TRIM39: variants seen among roughly 807,000 people sequenced by gnomAD.
TRIM39 encodes tripartite motif containing 39, also known as E3 ubiquitin-protein ligase TRIM39.
A neutral mutation model predicts 53.6 loss-of-function variants in TRIM39; 5 were observed. That is an observed-to-expected ratio of 0.09 (90% CI 0.05 to 0.20). The LOEUF (loss-of-function observed/expected upper bound fraction) is 0.20, where lower values mean the gene tolerates loss of function less well. TRIM39 is among the 10% of genes least tolerant of loss of function. The pLI, the probability that TRIM39 is intolerant of heterozygous loss-of-function variation, is 1.00. For synonymous variants in TRIM39, 196 were observed against 237.6 expected (o/e 0.82, Z 1.61); for missense variants, 310 against 621.0 (o/e 0.50, Z 5.32).
chr6:30,329,561 C>A (rs1184573950), exon 3 of TRIM39: 1 of 1,612,990 alleles, frequency 6.2e-7, no homozygotes, highest in African/African-American at 1.3e-5. Context: ...CCGACCTAAT[C>A]GGCAACTAGG....
chr6:30,327,022 G>C (rs544832811), intron 1 of TRIM39, 27 bp downstream of exon 1: 2 of 151,954 alleles, frequency 1.3e-5, no homozygotes, highest in Non-Finnish European at 1.5e-5. Flanking sequence ...CGCCGCGCCC[G>C]AGCCTGGGGC....
exon 3 of TRIM39, chr6:30,329,627 G>A (rs775760727): frequency 6.2e-7 from 1 of 1,613,118 alleles, no homozygotes; most frequent in Non-Finnish European, 8.5e-7. Context: ...GATCCGGGAT[G>A]AGAGCCTCTG....
Position 30,333,503 on chromosome 6 carries a change from G to A in TRIM39, c.550-2242G>A, listed in dbSNP as rs555411689. Reference sequence around the variant, plus strand: ...CTCCCAAGTACCTGGGACTACAGGCGCCCACCACCACACCCAGCTGATTTT... The same window carrying A: ...CTCCCAAGTACCTGGGACTACAGGCACCCACCACCACACCCAGCTGATTTT... On this transcript the variant is annotated intron_variant, in intron 4 of 7. Coordinates refer to ENST00000396551, the Ensembl canonical transcript of TRIM39. Among the ~76,000 whole-genome samples the A allele has an allele frequency of 1.5e-3, 233 of 151,520 alleles. No individual in the cohort carries two copies. In the Middle Eastern group the frequency reaches 0.017, roughly 11 times the overall value.
chr6:30,340,537 C>T (rs1787389735), exon 7 of TRIM39: 1 of 1,612,948 alleles, frequency 6.2e-7, no homozygotes, highest in African/African-American at 1.3e-5. Context: ...GAGGTGACTT[C>T]AGTATCCATA....
chr6:30,327,928 T>C (rs192990613), intron 1 of TRIM39, among the ~76,000 whole-genome samples: 13 of 152,344 alleles, frequency 8.5e-5, no homozygotes, highest in African/African-American at 2.9e-4. Flanking sequence ...CATGGCCACT[T>C]ATCTCTCAGC....
At chr6:30,331,433 A>C (rs1203344681) in intron 4 of TRIM39, among the ~76,000 whole-genome samples, 3 of 152,248 alleles carry the variant, frequency 2.0e-5, no homozygotes, top group Non-Finnish European at 2.9e-5. Context: ...AGAATATCTT[A>C]CATCTGGTGA....
At chr6:30,336,651 G>T (rs1582034140) in intron 5 of TRIM39, among the ~76,000 whole-genome samples, 1 of 152,324 alleles carries the variant, frequency 6.6e-6, no homozygotes, top group East Asian at 1.9e-4. Flanking sequence ...TTACTCACCA[G>T]TAGAACTTCT....
At chr6:30,340,965 T>C (rs1475474475) in intron 7 of TRIM39, among the ~76,000 whole-genome samples, 1 of 152,156 alleles carries the variant, frequency 6.6e-6, no homozygotes, top group Non-Finnish European at 1.5e-5. Context: ...CCTAGCACTT[T>C]GGGAGGCCAA....
At chr6:30,340,385 G>C in intron 6 of TRIM39, 120 bp from the exon 7 acceptor site, 1 of 1,611,066 alleles carries the variant, frequency 6.2e-7, no homozygotes, top group Non-Finnish European at 8.5e-7. Flanking sequence ...GGAGGAGGAA[G>C]AAAGTGGGAA....
chr6:30,340,663 G>C, intron 7 of TRIM39, 43 bp downstream of exon 7: 1 of 1,586,106 alleles, frequency 6.3e-7, no homozygotes, highest in Non-Finnish European at 8.5e-7. Context: ...CCACTAGAGA[G>C]AAGAAAGTTT....
chr6:30,340,595 A>G, exon 7 of TRIM39: 1 of 1,612,886 alleles, frequency 6.2e-7, no homozygotes, highest in Non-Finnish European at 8.5e-7. Context: ...ACTTTGCCCT[A>G]AGGAAAATCC....
In TRIM39 at chr6:30,330,764, TCCTC is replaced by T. The variant is rs1562404538; in HGVS notation, c.454-13_454-10del. The T allele has an allele frequency of 6.2e-7, 1 of 1,613,700 alleles. No homozygotes were observed. Among genetic ancestry groups the T allele is most frequent in the Admixed American group, 1.7e-5 (1 of 59,964 alleles). Reference sequence around the variant, plus strand: ...AACCCCAAATGTCACCTCTCCCACTTCCTCCCTACCCCTCAGGAAAAACTGCAGA... The same window carrying T: ...AACCCCAAATGTCACCTCTCCCACTTCCTACCCCTCAGGAAAAACTGCAGA... On this transcript the variant is annotated splice_polypyrimidine_tract_variant and intron_variant, in intron 3 of 7. Coordinates refer to ENST00000396551, the Ensembl canonical transcript of TRIM39.
At chr6:30,341,983 C>T (rs1161049091) in exon 8 of TRIM39, 1 of 1,613,084 alleles carries the variant, frequency 6.2e-7, no homozygotes, top group South Asian at 1.1e-5. Context: ...CTGAGACTGG[C>T]TACTGGCGGG....
chr6:30,342,120 A>G lies in TRIM39; in HGVS notation c.1328A>G (p.Asn443Ser). 1.2e-6 allele frequency: 2 copies of G among 1,613,056 alleles called. No homozygotes were observed. The highest frequency in any genetic ancestry group is 1.7e-6 in the Non-Finnish European group (2 of 1,180,038). The stretch of plus-strand genomic sequence containing the variant: ...GAGGCCGGCACACTGTCTTTCTACA[A>G]TGTCACAGACCGCTCTCATATCTAC... The change falls in exon 8 of 8, where the codon AAT becomes AGT. Residue 443 changes from asparagine (N) to serine (S), a missense_variant. Physicochemically the swap from Asn to Ser is conservative, Grantham distance 46. This residue lies in a region of TRIM39 where 75 missense variants were observed against 244.8 expected (regional missense o/e 0.31). Transcript: ENST00000396551. The surrounding 1 kb of genome is among the most constrained non-coding windows in gnomAD (Gnocchi z 4.7).
rs371325016 is a variant in TRIM39, at chr6:30,335,210, G to A, written c.550-535G>A. ...CATCAGTAGGGGGGTGATAGTGATG[G>A]AGCCATTCTTTACAGAAGGAAATTC... On this transcript the variant is annotated intron_variant, in intron 4 of 7. Coordinates refer to ENST00000396551, the Ensembl canonical transcript of TRIM39. The surrounding 1 kb of genome is among the most constrained non-coding windows in gnomAD (Gnocchi z 4.7). Among the ~76,000 whole-genome samples, 1 of 152,148 alleles carries A rather than the reference G, an allele frequency of 6.6e-6. No individual in the cohort carries two copies. The highest frequency in any genetic ancestry group is 2.4e-5 in the African/African-American group (1 of 41,428).
rs761608698 is a variant in TRIM39, at chr6:30,330,879, A to G, written c.549+3A>G. The G allele has an allele frequency of 1.2e-6, 2 of 1,613,852 alleles. No homozygotes were observed. Among genetic ancestry groups the G allele is most frequent in the African/African-American group, 2.7e-5 (2 of 74,932 alleles). On this transcript the variant is annotated splice_donor_region_variant and intron_variant, in intron 4 of 7. Coordinates refer to ENST00000396551, the Ensembl canonical transcript of TRIM39. ...AGAAGAAGCCTGGTGAGCTCAAGGT[A>G]AAGGCAGGCAATCCCATGTAGGCTG... is the stretch of plus-strand genomic sequence containing the variant.
chr6:30,342,196 C>T lies in TRIM39; in HGVS notation c.1404C>T (p.Gly468=), dbSNP rs913972943. 3 of 1,613,000 alleles carry T rather than the reference C, an allele frequency of 1.9e-6. No homozygotes were observed. The African/African-American group carries it at 4.0e-5, about 22-fold the overall frequency. The change falls in exon 8 of 8, where the codon GGC becomes GGT. Residue 468 remains glycine (G), a synonymous_variant. Transcript: ENST00000396551. This position sits in a 1 kb window ranked among gnomAD's most constrained non-coding sequence, Gnocchi z 4.7. ...AACTTTGGCCCCTCTTCTACCCAGG[C>T]ATCCGGGCTGGACGGAAGAATGCTG... is the stretch of plus-strand genomic sequence containing the variant.
In TRIM39 at chr6:30,330,639, G is replaced by GC. The variant is rs530104923; in HGVS notation, c.454-141dup. On this transcript the variant is annotated intron_variant, in intron 3 of 7. Coordinates refer to ENST00000396551, the Ensembl canonical transcript of TRIM39. ...AGAAAGTTGACATCCCAAATGACAG[G>GC]CAAGGAAGGAAGTCAGATCAAGAGG... 635 of 838,250 alleles carry GC rather than the reference G, an allele frequency of 7.6e-4. 4 individuals carry two copies. The highest frequency in any genetic ancestry group is 3.2e-3 in the African/African-American group (186 of 58,336). The allele number at this position is 838,250 out of a possible 1,614,324, so 51.9% of individuals were successfully genotyped here.
At position 30,339,188 on chromosome 6, in the gene TRIM39, C is replaced by T. The variant is rs1438858646; in HGVS notation, c.781-720C>T. On this transcript the variant is annotated intron_variant, in intron 5 of 7. Transcript: ENST00000396551. The surrounding 1 kb of genome is among the most constrained non-coding windows in gnomAD (Gnocchi z 4.2). ...TTTTTCTGAGAGAGTCTTGCTCTGT[C>T]GCCCAGGCTGGAGTGCAGTGCATGA... Among the ~76,000 whole-genome samples, 3 of 151,582 alleles carry T rather than the reference C, an allele frequency of 2.0e-5. No individual in the cohort carries two copies. Among genetic ancestry groups the T allele is most frequent in the Non-Finnish European group, 2.9e-5 (2 of 67,962 alleles).
Sources: gnomAD v4.1 joint callset for allele counts (sites outside exome capture counted in the v4.1 genomes callset) on GRCh38, gnomAD v4.1.1 for gene constraint, gnomAD v4.1.1 regional missense constraint, Gnocchi (gnomAD v3.1) non-coding constraint, MANE v1.5 for transcripts, NCBI Gene and HGNC (gene_info 2026-07-23, HGNC 2026-07-21) for gene names.